CNTNAP4: variants seen among roughly 807,000 people sequenced by gnomAD.
CNTNAP4 encodes contactin associated protein family member 4.
Under a neutral mutation model 148.4 loss-of-function variants are expected in CNTNAP4, and 98 were observed. That is an observed-to-expected ratio of 0.66 (90% confidence interval 0.56 to 0.78). The LOEUF (loss-of-function observed/expected upper bound fraction) is 0.78, where lower values mean the gene tolerates loss of function less well. Ranked by LOEUF, CNTNAP4 falls within the 30% of genes least tolerant of loss-of-function variation. The pLI, the probability that CNTNAP4 is intolerant of heterozygous loss-of-function variation, is 0.00. For missense variants in CNTNAP4, 1,935 were observed against 1,565.6 expected, an observed-to-expected ratio of 1.24 and a Z score of -3.98; for synonymous variants, 730 against 565.1, an observed-to-expected ratio of 1.29 and a Z score of -4.14.
intron 10 of CNTNAP4, among the ~76,000 whole-genome samples, chr16:76,471,115 T>TACAC (rs150698107): frequency 4.0e-4 from 61 of 150,970 alleles, no homozygotes; most frequent in African/African-American, 1.4e-3. Context: ...AACACACACA[T>TACAC]ACACACACAC....
chr16:76,343,499 CT>C lies in CNTNAP4; in HGVS notation c.197-11814del, dbSNP rs553293080. On this transcript the variant is annotated intron_variant, in intron 2 of 23. Coordinates refer to ENST00000611870, the MANE Select transcript of CNTNAP4 (RefSeq NM_033401.5). The stretch of plus-strand genomic sequence containing the variant: ...GCAAATCCAGGGAAACATTCGCCTG[CT>C]TTTTCTAATATAGAATAACTAGTAG... Among the ~76,000 whole-genome samples the C allele has an allele frequency of 2.2e-4, 34 of 152,248 alleles. No homozygotes were observed. In the South Asian group the frequency reaches 3.3e-3, roughly 15 times the overall value.
intron 4 of CNTNAP4, among the ~76,000 whole-genome samples, chr16:76,428,698 C>T (rs1393022992): frequency 2.6e-5 from 4 of 151,862 alleles, no homozygotes; most frequent in African/African-American, 4.8e-5. Context: ...CCTGATTCCT[C>T]CAGGGCCTAC....
At chr16:76,519,378 G>T (rs1430079885) in intron 15 of CNTNAP4, among the ~76,000 whole-genome samples, 5 of 151,878 alleles carry the variant, frequency 3.3e-5, no homozygotes. Context: ...CCTTCTATAT[G>T]ATGCTTTATT....
At chr16:76,350,585 A>AG (rs1965289714) in intron 2 of CNTNAP4, among the ~76,000 whole-genome samples, 1 of 152,066 alleles carries the variant, frequency 6.6e-6, no homozygotes, top group Non-Finnish European at 1.5e-5. Context: ...TTTGCGGTCA[A>AG]TCAGTTACAA....
At chr16:76,376,523 G>A (rs1017092088) in intron 3 of CNTNAP4, among the ~76,000 whole-genome samples, 3 of 152,294 alleles carry the variant, frequency 2.0e-5, no homozygotes, top group South Asian at 2.1e-4. Context: ...CAAAGAGATC[G>A]TATATTTACT....
intron 3 of CNTNAP4, among the ~76,000 whole-genome samples, chr16:76,398,623 A>G (rs2078294624): frequency 6.6e-6 from 1 of 152,108 alleles, no homozygotes. Flanking sequence ...AAATTTTACT[A>G]CATAACATGA....
At chr16:76,522,597 TTTC>T (rs1033407603) in intron 17 of CNTNAP4, among the ~76,000 whole-genome samples, 10 of 93,464 alleles carry the variant, frequency 1.1e-4, no homozygotes, top group African/African-American at 1.6e-4. Context: ...TCTCTCTCTC[TTTC>T]TTTTCTTTAT....
rs563488560 is a variant in CNTNAP4 at position 76,407,207 on chromosome 16, A to G, written c.391-20245A>G. Reference sequence around the variant, plus strand: ...AGATGACAGCACATCTGTTTGCAACATGGTTTACTGAATATTTGAAACCCA... The same window carrying G: ...AGATGACAGCACATCTGTTTGCAACGTGGTTTACTGAATATTTGAAACCCA... On this transcript the variant is annotated intron_variant, in intron 3 of 23. Transcript: ENST00000611870. Among the ~76,000 whole-genome samples, 177 of 152,216 alleles carry G rather than the reference A, an allele frequency of 1.2e-3. 1 individual carries two copies. The highest frequency in any genetic ancestry group is 1.9e-3 in the Non-Finnish European group (130 of 68,002).
intron 15 of CNTNAP4, among the ~76,000 whole-genome samples, chr16:76,519,430 C>T (rs749892798): frequency 2.0e-5 from 3 of 152,038 alleles, no homozygotes; most frequent in Non-Finnish European, 2.9e-5. Flanking sequence ...AATGTTATGT[C>T]ATAATATTAC....
At chr16:76,517,647 C>A (rs78466945) in intron 15 of CNTNAP4, among the ~76,000 whole-genome samples, 1,896 of 152,158 alleles carry the variant, frequency 0.012, 36 homozygotes, top group African/African-American at 0.044. Context: ...AAATACTGTT[C>A]CTTTATAAAC....
intron 3 of CNTNAP4, among the ~76,000 whole-genome samples, chr16:76,363,831 A>C (rs1397238227): frequency 6.6e-6 from 1 of 152,178 alleles, no homozygotes; most frequent in East Asian, 1.9e-4. Flanking sequence ...TTCTTCATTA[A>C]GTAGTGTCGG....
chr16:76,369,822 A>G (rs1444844878), intron 3 of CNTNAP4, among the ~76,000 whole-genome samples: 3 of 152,176 alleles, frequency 2.0e-5, no homozygotes, highest in Non-Finnish European at 4.4e-5. Context: ...AGTCTGGGCA[A>G]CAGAGTGAGA....
intron 3 of CNTNAP4, among the ~76,000 whole-genome samples, chr16:76,359,469 G>A (rs748253610): frequency 6.6e-6 from 1 of 152,042 alleles, no homozygotes; most frequent in Non-Finnish European, 1.5e-5. Flanking sequence ...ATGCCAGGCA[G>A]TACAATGACT....
intron 9 of CNTNAP4, among the ~76,000 whole-genome samples, chr16:76,466,967 CAT>C (rs1325963303): frequency 1.3e-5 from 2 of 152,014 alleles, no homozygotes; most frequent in East Asian, 1.9e-4. Flanking sequence ...ATACATAGTA[CAT>C]GTTTTCATCT....
intron 2 of CNTNAP4, among the ~76,000 whole-genome samples, chr16:76,353,675 GC>G (rs2012164092): frequency 6.6e-6 from 1 of 152,104 alleles, no homozygotes; most frequent in Non-Finnish European, 1.5e-5. Flanking sequence ...TCATACAGAA[GC>G]TGCCTCCTAC....
chr16:76,462,710 A>G (rs770030706), intron 9 of CNTNAP4, among the ~76,000 whole-genome samples: 38 of 152,190 alleles, frequency 2.5e-4, no homozygotes, highest in Non-Finnish European at 3.8e-4. Flanking sequence ...AGCCTGGAAA[A>G]GAAAACCTAA....
chr16:76,502,457 T>C (rs935176721), intron 15 of CNTNAP4, among the ~76,000 whole-genome samples: 3 of 151,974 alleles, frequency 2.0e-5, no homozygotes, highest in African/African-American at 4.8e-5. Context: ...GTAGGCCTTA[T>C]AAGCAGAGAA....
chr16:76,447,338 G>GTATATATATATGAAATTATA (rs1568204057), intron 4 of CNTNAP4, among the ~76,000 whole-genome samples: 1 of 117,390 alleles, frequency 8.5e-6, no homozygotes, highest in Non-Finnish European at 1.9e-5. Context: ...ATGAAATTAT[G>GTATATATATATGAAATTATA]TATATATATA....
At chr16:76,536,778 G>A (rs1464111038) in intron 18 of CNTNAP4, among the ~76,000 whole-genome samples, 2 of 152,140 alleles carry the variant, frequency 1.3e-5, no homozygotes, top group Admixed American at 6.5e-5. Flanking sequence ...GTAGGATTAA[G>A]TGTTCTGGAC....
Sources: allele counts gnomAD v4.1 joint callset (sites outside exome capture counted in the v4.1 genomes callset), GRCh38; gene constraint gnomAD v4.1.1; transcripts MANE v1.5; gene names NCBI Gene and HGNC (gene_info 2026-07-23, HGNC 2026-07-21).